BBS9: variants seen among roughly 807,000 people sequenced by gnomAD.
The protein encoded by BBS9 is Bardet-Biedl syndrome 9.
In BBS9, 89 loss-of-function variants were observed where a neutral mutation model predicts 117.7. That is an observed-to-expected ratio of 0.76 (90% CI 0.64 to 0.90). BBS9 has a LOEUF of 0.90. Ranked by LOEUF, BBS9 falls within the 40% of genes least tolerant of loss-of-function variation. The pLI is 0.00. For missense variants in BBS9, 982 were observed against 1,042.2 expected (o/e 0.94, Z 0.80); for synonymous variants, 379 against 370.9 (o/e 1.02, Z -0.25).
chr7:33,136,264 T>G (rs983816511), intron 1 of BBS9, among the ~76,000 whole-genome samples: 2 of 152,252 alleles, frequency 1.3e-5, no homozygotes, highest in Admixed American at 1.3e-4. Context: ...CCCAAATTCC[T>G]TAGGATTTTC....
At chr7:33,428,745 T>C (rs187403067) in intron 19 of BBS9, among the ~76,000 whole-genome samples, 3 of 152,304 alleles carry the variant, frequency 2.0e-5, no homozygotes, top group Admixed American at 1.3e-4. Flanking sequence ...GAATAATAAT[T>C]AATATACAGA....
At chr7:33,256,430 G>A (rs1797088996) in intron 5 of BBS9, among the ~76,000 whole-genome samples, 1 of 152,032 alleles carries the variant, frequency 6.6e-6, no homozygotes, top group Non-Finnish European at 1.5e-5. Flanking sequence ...AGTTGAGGTG[G>A]GTTAGAGTAT....
At chr7:33,536,188 G>A (rs995718856) in intron 21 of BBS9, among the ~76,000 whole-genome samples, 1 of 152,102 alleles carries the variant, frequency 6.6e-6, no homozygotes, top group Non-Finnish European at 1.5e-5. Context: ...GGCTGAGTTC[G>A]TTCTGTTGGA....
At chr7:33,357,088 A>G (rs1819729808) in intron 15 of BBS9, among the ~76,000 whole-genome samples, 1 of 151,802 alleles carries the variant, frequency 6.6e-6, no homozygotes, top group Non-Finnish European at 1.5e-5. Flanking sequence ...AAAATATTGA[A>G]AATGATTTTG....
intron 19 of BBS9, among the ~76,000 whole-genome samples, chr7:33,462,268 A>G (rs1384156391): frequency 6.6e-6 from 1 of 152,086 alleles, no homozygotes; most frequent in African/African-American, 2.4e-5. Context: ...TGTCTTTTGT[A>G]TCCCAGATAT....
At chr7:33,606,471 A>T (rs1864573834), downstream of BBS9, among the ~76,000 whole-genome samples, 1 of 152,190 alleles carries the variant, frequency 6.6e-6, no homozygotes, top group Non-Finnish European at 1.5e-5. Context: ...CTATGTGGAC[A>T]TTACATGCAT....
intron 19 of BBS9, among the ~76,000 whole-genome samples, chr7:33,434,842 G>A (rs1835065036): frequency 6.6e-6 from 1 of 152,112 alleles, no homozygotes; most frequent in South Asian, 2.1e-4. Context: ...TGATGGTCAT[G>A]ACATGATATT....
chr7:33,281,050 G>A (rs1355869587), intron 9 of BBS9, among the ~76,000 whole-genome samples: 1 of 151,104 alleles, frequency 6.6e-6, no homozygotes, highest in East Asian at 1.9e-4. Flanking sequence ...TTTATGTAAG[G>A]TATAAATTCT....
chr7:33,624,469 T>G (rs1865548998), intron 21 of BBS9, among the ~76,000 whole-genome samples: 1 of 152,178 alleles, frequency 6.6e-6, no homozygotes, highest in Non-Finnish European at 1.5e-5. Context: ...AACATTCTGT[T>G]TGGCAGTACT....
intron 19 of BBS9, among the ~76,000 whole-genome samples, chr7:33,444,838 CACAACTGAAG>C (rs1183192502): frequency 1.3e-5 from 2 of 152,190 alleles, no homozygotes; most frequent in Non-Finnish European, 2.9e-5. Flanking sequence ...TCTCCCTGCT[CACAACTGAAG>C]ACAAAGCCTT....
intron 5 of BBS9, among the ~76,000 whole-genome samples, chr7:33,205,241 G>A (rs1286134744): frequency 6.6e-6 from 1 of 152,158 alleles, no homozygotes; most frequent in African/African-American, 2.4e-5. Context: ...TTCCTTGGTG[G>A]AAGCTTTCTT....
At chr7:33,156,841 G>A (rs1794160270) in intron 4 of BBS9, among the ~76,000 whole-genome samples, 1 of 151,898 alleles carries the variant, frequency 6.6e-6, no homozygotes, top group Non-Finnish European at 1.5e-5. Flanking sequence ...TGATTTTATG[G>A]TAAAGGACAT....
At chr7:33,546,143 C>T (rs781390994) in intron 21 of BBS9, among the ~76,000 whole-genome samples, 2 of 151,948 alleles carry the variant, frequency 1.3e-5, no homozygotes, top group Admixed American at 6.6e-5. Context: ...CTATGTTAGC[C>T]AGGATGGTCT....
chr7:33,229,069 A>G (rs73307385), intron 5 of BBS9, among the ~76,000 whole-genome samples: 17,141 of 152,174 alleles, frequency 0.11, 1,137 homozygotes, highest in African/African-American at 0.18. Flanking sequence ...AAATTTTATT[A>G]TGTATATTTA....
intron 20 of BBS9, 34 bp downstream of exon 20, chr7:33,505,679 A>G: frequency 6.2e-7 from 1 of 1,608,228 alleles, no homozygotes. Context: ...GGGAACAGCC[A>G]GCATTATTGA....
intron 21 of BBS9, among the ~76,000 whole-genome samples, chr7:33,566,997 T>C (rs772140619): frequency 6.6e-6 from 1 of 152,182 alleles, no homozygotes; most frequent in Non-Finnish European, 1.5e-5. Context: ...AGTGGGGTAA[T>C]GAGACCAATA....
intron 13 of BBS9, among the ~76,000 whole-genome samples, chr7:33,349,479 G>A (rs1412753092): frequency 6.6e-6 from 1 of 152,194 alleles, no homozygotes; most frequent in Non-Finnish European, 1.5e-5. Context: ...CATTGGCCCA[G>A]ACTGGAGTGC....
intron 21 of BBS9, among the ~76,000 whole-genome samples, chr7:33,558,152 A>G (rs910248355): frequency 1.3e-5 from 2 of 152,256 alleles, no homozygotes; most frequent in African/African-American, 4.8e-5. Flanking sequence ...TTCTGATACT[A>G]TATAGCCTGC....
chr7:33,286,229 A>G (rs1028954326), intron 9 of BBS9, among the ~76,000 whole-genome samples: 1 of 152,112 alleles, frequency 6.6e-6, no homozygotes, highest in African/African-American at 2.4e-5. Context: ...GAAACTCTCA[A>G]TCTCCAAGAA....
Sources: gnomAD v4.1 joint callset for allele counts (sites outside exome capture counted in the v4.1 genomes callset) on GRCh38, gnomAD v4.1.1 for gene constraint, MANE v1.5 for transcripts, NCBI Gene and HGNC (gene_info 2026-07-23, HGNC 2026-07-21) for gene names.